Variants in TEKTL1 observed in about 807,000 individuals in gnomAD.
The protein encoded by TEKTL1 is tektin-like protein 1.
At chr19:15,022,323 T>TATTATC in the TEKTL1 span, among the ~76,000 whole-genome samples, 1 of 151,744 alleles carries the variant, frequency 6.6e-6, no homozygotes, top group African/African-American at 2.4e-5. Flanking sequence ...CTGTTATTAT[T>TATTATC]AACTATTATT....
At chr19:15,012,885 C>T in the TEKTL1 span, among the ~76,000 whole-genome samples, 49,959 of 151,698 alleles carry the variant, frequency 0.33, 8,363 homozygotes, top group Non-Finnish European at 0.37. Context: ...CAACTCCCAG[C>T]TGAGGAGAGC....
the TEKTL1 span, among the ~76,000 whole-genome samples, chr19:15,014,737 G>GGGT: frequency 2.6e-5 from 3 of 114,802 alleles, no homozygotes; most frequent in African/African-American, 6.7e-5. Context: ...GGGGCGGGGG[G>GGGT]CGGGGGCTGC....
chr19:15,023,000 G>GTGCGCC, the TEKTL1 span: 406 of 1,612,956 alleles, frequency 2.5e-4, 2 homozygotes, highest in African/African-American at 3.9e-3. Context: ...CGGCAACGTG[G>GTGCGCC]TGCGCCTGCG....
the TEKTL1 span, chr19:15,021,663 G>T: frequency 1.9e-6 from 3 of 1,614,142 alleles, no homozygotes; most frequent in Non-Finnish European, 2.5e-6. Flanking sequence ...CTATCCTCCG[G>T]TGTACGAAAT....
the TEKTL1 span, chr19:15,013,865 C>A: frequency 1.3e-6 from 1 of 754,016 alleles, no homozygotes; most frequent in Admixed American, 2.3e-5. Flanking sequence ...GGGACTGTCA[C>A]AATAGCAATT....
chr19:15,020,986 TCTC>T, the TEKTL1 span, among the ~76,000 whole-genome samples: 42 of 151,800 alleles, frequency 2.8e-4, no homozygotes, highest in African/African-American at 9.4e-4. Context: ...TTCAAGTGAT[TCTC>T]CTGCCTCGGC....
At chr19:15,022,777 T>G in the TEKTL1 span, 1 of 1,277,680 alleles carries the variant, frequency 7.8e-7, no homozygotes, top group Non-Finnish European at 1.1e-6. Flanking sequence ...CCTCCTCAGC[T>G]GTGTTCCTTA....
the TEKTL1 span, chr19:15,022,722 G>GGTT: frequency 1.9e-6 from 1 of 522,860 alleles, no homozygotes; most frequent in African/African-American, 2.1e-5. Context: ...CCCTGTCGCG[G>GGTT]TTTTTTTTTT....
At chr19:15,011,173 A>C in the TEKTL1 span, 1 of 1,498,862 alleles carries the variant, frequency 6.7e-7, no homozygotes, top group Non-Finnish European at 8.9e-7. Flanking sequence ...TGCACCGCAA[A>C]GCGCGCGCCC....
chr19:15,022,986 T>C, the TEKTL1 span: 90 of 1,613,296 alleles, frequency 5.6e-5, no homozygotes, highest in African/African-American at 1.1e-3. Context: ...GGGCATGAGG[T>C]GGACGGCAAC....
the TEKTL1 span, among the ~76,000 whole-genome samples, chr19:15,018,294 C>T: frequency 6.6e-6 from 1 of 152,160 alleles, no homozygotes; most frequent in Non-Finnish European, 1.5e-5. Flanking sequence ...GCAGAGGTTT[C>T]AGTGAGCCAA....
At chr19:15,017,247 C>T in the TEKTL1 span, among the ~76,000 whole-genome samples, 1 of 151,954 alleles carries the variant, frequency 6.6e-6, no homozygotes, top group Admixed American at 6.6e-5. Flanking sequence ...AGGACTAAAA[C>T]AGGTAAAACT....
the TEKTL1 span, chr19:15,021,360 C>T: frequency 6.2e-7 from 1 of 1,614,144 alleles, no homozygotes; most frequent in African/African-American, 1.3e-5. Context: ...CAGCGTGCGC[C>T]TTGGCGCTAA....
chr19:15,019,830 A>G, the TEKTL1 span, among the ~76,000 whole-genome samples: 1 of 151,816 alleles, frequency 6.6e-6, no homozygotes, highest in Admixed American at 6.6e-5. Flanking sequence ...TTTACAAAAA[A>G]ATAAATAAAT....
the TEKTL1 span, among the ~76,000 whole-genome samples, chr19:15,014,832 A>C: frequency 6.6e-6 from 1 of 151,806 alleles, no homozygotes; most frequent in African/African-American, 2.4e-5. Flanking sequence ...GATTCCTGAA[A>C]TATCCTTCCA....
chr19:15,010,779 C>G, the TEKTL1 span: 1 of 1,477,884 alleles, frequency 6.8e-7, no homozygotes, highest in African/African-American at 1.4e-5. Flanking sequence ...GGGTCCCTTC[C>G]GCTCCGCCTA....
At chr19:15,019,819 C>T in the TEKTL1 span, among the ~76,000 whole-genome samples, 22 of 151,930 alleles carry the variant, frequency 1.4e-4, no homozygotes, top group East Asian at 3.5e-3. Context: ...GAGACCCTGT[C>T]TTTACAAAAA....
chr19:15,015,920 C>T, the TEKTL1 span, among the ~76,000 whole-genome samples: 1 of 152,242 alleles, frequency 6.6e-6, no homozygotes, highest in Non-Finnish European at 1.5e-5. Flanking sequence ...CTCTAGTCCA[C>T]TGCATCTTAT....
At chr19:15,012,543 T>C in the TEKTL1 span, among the ~76,000 whole-genome samples, 1 of 145,808 alleles carries the variant, frequency 6.9e-6, no homozygotes. Flanking sequence ...GCCTAGGAGA[T>C]AGTGAGACTC....
Sources: gnomAD v4.1 joint callset for allele counts (sites outside exome capture counted in the v4.1 genomes callset) on GRCh38, gnomAD v4.1.1 for gene constraint, MANE v1.5 for transcripts, NCBI Gene and HGNC (gene_info 2026-07-23, HGNC 2026-07-21) for gene names.